CPVL: variants seen among roughly 807,000 people sequenced by gnomAD.
The protein encoded by CPVL is carboxypeptidase vitellogenic like.
CPVL carries 51 observed loss-of-function variants against 63.7 expected under a neutral mutation model. That is an observed-to-expected ratio of 0.80 (90% CI 0.64 to 1.01). The LOEUF (loss-of-function observed/expected upper bound fraction) is 1.01, where lower values mean the gene tolerates loss of function less well. Among genes scored for constraint, CPVL ranks in the 50% least tolerant of loss-of-function variants. The pLI, the probability that CPVL is intolerant of heterozygous loss-of-function variation, is 0.00. For missense variants in CPVL, 530 were observed against 573.1 expected, an observed-to-expected ratio of 0.92 and a Z score of 0.77; for synonymous variants, 195 against 206.0, an observed-to-expected ratio of 0.95 and a Z score of 0.46.
At chr7:29,137,825 A>G (rs185675752) in intron 1 of CPVL, among the ~76,000 whole-genome samples, 1 of 151,154 alleles carries the variant, frequency 6.6e-6, no homozygotes, top group African/African-American at 2.4e-5. Context: ...ATAGATAACC[A>G]ATACAGAGGC....
chr7:29,134,257 A>C (rs548174643), intron 1 of CPVL, among the ~76,000 whole-genome samples: 2 of 152,322 alleles, frequency 1.3e-5, no homozygotes, highest in South Asian at 4.1e-4. Flanking sequence ...ATTCTCTTAG[A>C]GAAAGAACCT....
chr7:29,133,479 T>C (rs917332844), intron 1 of CPVL, among the ~76,000 whole-genome samples: 1 of 152,194 alleles, frequency 6.6e-6, no homozygotes, highest in African/African-American at 2.4e-5. Context: ...AGTGGTCTCA[T>C]CACTTTAACC....
intron 1 of CPVL, among the ~76,000 whole-genome samples, chr7:29,139,226 C>T (rs1051570851): frequency 5.3e-5 from 8 of 152,172 alleles, no homozygotes; most frequent in Admixed American, 6.5e-5. Flanking sequence ...TTCACTTTGC[C>T]AACAGGTATA....
intron 12 of CPVL, among the ~76,000 whole-genome samples, chr7:29,022,396 A>G (rs1354471823): frequency 6.6e-6 from 1 of 152,074 alleles, no homozygotes; most frequent in African/African-American, 2.4e-5. Context: ...GCCTAAAGAT[A>G]CCCATTGCTA....
chr7:29,027,003 C>A (rs1053573684), intron 12 of CPVL, among the ~76,000 whole-genome samples: 2 of 152,120 alleles, frequency 1.3e-5, no homozygotes, highest in Non-Finnish European at 2.9e-5. Context: ...AGGCTATCAT[C>A]CTGATACGAA....
At chr7:29,070,080 T>C (rs1380434661) in intron 9 of CPVL, among the ~76,000 whole-genome samples, 1 of 152,158 alleles carries the variant, frequency 6.6e-6, no homozygotes, top group Non-Finnish European at 1.5e-5. Context: ...TCTATTTTCC[T>C]TGAAAAAGCA....
chr7:29,045,414 T>G (rs77200615), intron 11 of CPVL, among the ~76,000 whole-genome samples: 3,977 of 152,296 alleles, frequency 0.026, 178 homozygotes, highest in African/African-American at 0.089. Flanking sequence ...CTGCCTATAA[T>G]GTGGCAGTTG....
At chr7:29,186,418 A>G (rs963410005) in intron 2 of CPVL, 1 of 152,138 alleles carries the variant, frequency 6.6e-6, no homozygotes, top group African/African-American at 2.4e-5. Context: ...CCCTGTCTCC[A>G]CTAAAAATTT....
intron 2 of CPVL, among the ~76,000 whole-genome samples, chr7:29,185,820 CT>C (rs983709025): frequency 1.3e-5 from 2 of 152,136 alleles, no homozygotes; most frequent in East Asian, 3.9e-4. Flanking sequence ...GGGCCTGCCC[CT>C]GGATGTGAAT....
intron 3 of CPVL, among the ~76,000 whole-genome samples, chr7:29,101,510 G>A (rs1787121610): frequency 6.6e-6 from 1 of 152,182 alleles, no homozygotes; most frequent in Non-Finnish European, 1.5e-5. Context: ...CAGAAGAATG[G>A]CGTGAACCCG....
At chr7:29,195,130 C>G in exon 1 of CPVL, 1 of 851,052 alleles carries the variant, frequency 1.2e-6, no homozygotes. Flanking sequence ...CGGGGTGATA[C>G]TTGTTTGGTT....
At chr7:29,072,046 C>T (rs1375265157) in intron 8 of CPVL, 142 bp from the exon 9 acceptor site, 2 of 968,540 alleles carry the variant, frequency 2.1e-6, no homozygotes, top group Admixed American at 2.3e-5. Flanking sequence ...TGCACACACA[C>T]ATATACACCC....
intron 5 of CPVL, among the ~76,000 whole-genome samples, chr7:29,162,206 A>T (rs1423835305): frequency 8.5e-5 from 13 of 152,248 alleles, no homozygotes; most frequent in Non-Finnish European, 1.6e-4. Flanking sequence ...ATATTCACAC[A>T]AAAACTGTTC....
intron 9 of CPVL, 66 bp downstream of exon 9, chr7:29,071,707 T>TCCC: frequency 1.2e-5 from 10 of 867,446 alleles, no homozygotes; most frequent in Non-Finnish European, 1.8e-5. Flanking sequence ...GTGTTCCTGC[T>TCCC]CACCCGCCCT....
intron 3 of CPVL, among the ~76,000 whole-genome samples, chr7:29,107,698 A>G (rs1787861118): frequency 1.3e-5 from 2 of 152,264 alleles, no homozygotes; most frequent in South Asian, 4.1e-4. Flanking sequence ...GGGTGCAGCT[A>G]GACAATGAGC....
At chr7:29,175,176 T>C (rs1239917751) in intron 5 of CPVL, among the ~76,000 whole-genome samples, 2 of 148,462 alleles carry the variant, frequency 1.3e-5, no homozygotes, top group African/African-American at 2.5e-5. Context: ...CTTTTTCTTT[T>C]TCCTTTTTTT....
At chr7:29,003,778 C>G (rs1196434554) in intron 12 of CPVL, among the ~76,000 whole-genome samples, 7 of 152,126 alleles carry the variant, frequency 4.6e-5, no homozygotes, top group Admixed American at 4.6e-4. Context: ...TTGGGGATGA[C>G]ACTGTTCCAC....
At chr7:29,068,305 G>A (rs1783344703) in intron 9 of CPVL, among the ~76,000 whole-genome samples, 3 of 152,080 alleles carry the variant, frequency 2.0e-5, no homozygotes, top group South Asian at 2.1e-4. Context: ...GTAAGCCACC[G>A]CCCCCGGCCT....
intron 3 of CPVL, among the ~76,000 whole-genome samples, chr7:29,107,719 G>C (rs574174040): frequency 6.6e-6 from 1 of 152,330 alleles, no homozygotes; most frequent in South Asian, 2.1e-4. Context: ...TGGGAGATCT[G>C]TCATATTTCC....
Sources: allele counts gnomAD v4.1 joint callset (sites outside exome capture counted in the v4.1 genomes callset), GRCh38; gene constraint gnomAD v4.1.1; transcripts MANE v1.5; gene names NCBI Gene and HGNC (gene_info 2026-07-23, HGNC 2026-07-21).